The following NFASC variants were observed in gnomAD, a reference collection of about 807,000 sequenced individuals.
NFASC encodes the protein neurofascin.
In NFASC, 43 loss-of-function variants were observed where a neutral mutation model predicts 147.5. The observed-to-expected ratio is 0.29, with a 90% confidence interval of 0.23 to 0.38. The LOEUF (loss-of-function observed/expected upper bound fraction) is 0.38, where lower values mean the gene tolerates loss of function less well. Ranked by LOEUF, NFASC falls within the 10% of genes least tolerant of loss-of-function variation. NFASC has a pLI of 1.00. For synonymous variants in NFASC, 622 were observed against 665.5 expected, an observed-to-expected ratio of 0.93 and a Z score of 1.01; for missense variants, 1,320 against 1,689.0, an observed-to-expected ratio of 0.78 and a Z score of 3.83.
chr1:204,921,728 G>A (rs2090527463), intron 2 of NFASC, among the ~76,000 whole-genome samples: 1 of 152,148 alleles, frequency 6.6e-6, no homozygotes. Flanking sequence ...ACATTTTGTG[G>A]TAAAGATTAA....
intron 7 of NFASC, among the ~76,000 whole-genome samples, chr1:204,956,554 C>T (rs936377056): frequency 6.6e-6 from 1 of 152,238 alleles, no homozygotes; most frequent in South Asian, 2.1e-4. Context: ...CCCCTTCTAA[C>T]TGGTGTGTTC....
chr1:204,892,561 G>A (rs1354805039), intron 1 of NFASC, among the ~76,000 whole-genome samples: 2 of 152,194 alleles, frequency 1.3e-5, no homozygotes, highest in Admixed American at 6.5e-5. Flanking sequence ...CAAAATGGTA[G>A]CCACTAGCCC....
At chr1:204,833,888 A>G (rs1571833279) in intron 1 of NFASC, among the ~76,000 whole-genome samples, 1 of 152,192 alleles carries the variant, frequency 6.6e-6, no homozygotes, top group South Asian at 2.1e-4. Flanking sequence ...TGGGGATATT[A>G]ATATGAACCT....
At chr1:204,943,407 G>C (rs2093494124) in intron 2 of NFASC, among the ~76,000 whole-genome samples, 1 of 152,124 alleles carries the variant, frequency 6.6e-6, no homozygotes, top group Non-Finnish European at 1.5e-5. Flanking sequence ...GATTTCTTGT[G>C]CTTGAGGATG....
chr1:204,946,902 C>T, intron 3 of NFASC: 1 of 419,908 alleles, frequency 2.4e-6, no homozygotes, highest in Non-Finnish European at 4.8e-6. Flanking sequence ...GATCCCACCG[C>T]CCCTGACACA....
chr1:204,836,761 A>T (rs908435417), intron 1 of NFASC, among the ~76,000 whole-genome samples: 2 of 152,276 alleles, frequency 1.3e-5, no homozygotes, highest in African/African-American at 4.8e-5. Flanking sequence ...CAGGGCAGAA[A>T]CTGGATATCT....
chr1:204,874,312 C>T (rs1427341057), intron 1 of NFASC, among the ~76,000 whole-genome samples: 2 of 152,224 alleles, frequency 1.3e-5, no homozygotes, highest in Non-Finnish European at 2.9e-5. Context: ...GGAGCCAGTG[C>T]AAGACCACAT....
chr1:204,993,300 C>A (rs2095780248), intron 24 of NFASC, among the ~76,000 whole-genome samples: 1 of 152,186 alleles, frequency 6.6e-6, no homozygotes, highest in Admixed American at 6.5e-5. Flanking sequence ...CCGGGGTAGT[C>A]AACACGCCAT....
At chr1:204,902,751 G>A (rs1297186708) in intron 1 of NFASC, among the ~76,000 whole-genome samples, 1 of 152,188 alleles carries the variant, frequency 6.6e-6, no homozygotes, top group Admixed American at 6.5e-5. Flanking sequence ...AAAAAGAAGA[G>A]GGAAGGAGAT....
At position 204,938,050 on chromosome 1, in the gene NFASC, C is replaced by T. The variant is rs2093026683; in HGVS notation, c.-90-6176C>T. ...TGCCAGTCTTCTCTCCTTGTCACTT[C>T]AGATGTGTTGTGACCACCAGGACAG... is the stretch of plus-strand genomic sequence containing the variant. On this transcript the variant is annotated intron_variant, in intron 2 of 29. Coordinates refer to ENST00000339876, the MANE Select transcript of NFASC (RefSeq NM_001005388.3). Among the ~76,000 whole-genome samples, 5 of 152,352 alleles carry T rather than the reference C, an allele frequency of 3.3e-5. No homozygotes were observed. The South Asian group carries it at 1.0e-3, about 32-fold the overall frequency.
In NFASC at chr1:204,908,068, A is replaced by G. The variant is rs149043030; in HGVS notation, c.-199-12564A>G. 2.4e-4 allele frequency among the ~76,000 whole-genome samples: 36 copies of G among 152,230 alleles called. No individual in the cohort carries two copies. The East Asian group carries it at 7.0e-3, about 29-fold the overall frequency. ...GCAACCATGGCTCACTGCAGCCTCA[A>G]CCACCTGGGCTCAAGTGATTCTCCT... On this transcript the variant is annotated intron_variant, in intron 1 of 29. Transcript: ENST00000339876.
chr1:204,992,511 C>T (rs1166810429), intron 24 of NFASC, among the ~76,000 whole-genome samples: 1 of 152,212 alleles, frequency 6.6e-6, no homozygotes, highest in African/African-American at 2.4e-5. Flanking sequence ...CAGTCCTCAA[C>T]ATTCACCCAC....
rs115582406 is a variant in NFASC at position 204,993,822 on chromosome 1, G to A, written c.2782+2516G>A. ...TTGGTAAGCCCTACTTCTCAGCTTC[G>A]TTGCTCTTCTATCCTCTCCTCCACC... On this transcript the variant is annotated intron_variant, in intron 24 of 29. Transcript: ENST00000339876. 321 of 515,540 alleles carry A rather than the reference G, an allele frequency of 6.2e-4. 3 individuals are homozygous for A. The highest frequency in any genetic ancestry group is 3.9e-3 in the African/African-American group (201 of 52,004). 31.9% of individuals were successfully genotyped at this position (515,540 alleles called of 1,614,324 possible).
chr1:204,948,499 C>G (rs2093924130), intron 3 of NFASC: 2 of 462,754 alleles, frequency 4.3e-6, no homozygotes, highest in Non-Finnish European at 8.6e-6. Context: ...TCTCACTCAC[C>G]CTTCTCCAGA....
intron 1 of NFASC, among the ~76,000 whole-genome samples, chr1:204,870,360 C>T (rs1248283788): frequency 1.3e-5 from 2 of 152,122 alleles, no homozygotes; most frequent in Non-Finnish European, 2.9e-5. Flanking sequence ...CTGTGTGGGG[C>T]CAGCACACAG....
At chr1:204,944,522 G>A (rs973904362) in intron 3 of NFASC, 116 bp downstream of exon 3, 20 of 833,436 alleles carry the variant, frequency 2.4e-5, no homozygotes, top group Non-Finnish European at 3.4e-5. Flanking sequence ...GAGAGGGGAC[G>A]CAGTGGATTC....
At chr1:204,988,573 T>G in intron 22 of NFASC, 60 bp from the exon 23 acceptor site, 1 of 1,473,186 alleles carries the variant, frequency 6.8e-7, no homozygotes, top group Non-Finnish European at 9.5e-7. Context: ...AGCTTGCAGA[T>G]TATATAACCC....
At chr1:204,915,653 T>C (rs2089041166) in intron 1 of NFASC, among the ~76,000 whole-genome samples, 1 of 152,210 alleles carries the variant, frequency 6.6e-6, no homozygotes, top group Admixed American at 6.5e-5. Flanking sequence ...TTTTAAATGT[T>C]TAAGTAAGAA....
chr1:205,019,237 G>T lies in NFASC; in HGVS notation c.*2698G>T, dbSNP rs2096383773. 6.6e-6 allele frequency: 1 copy of T among 152,292 alleles called. No homozygotes were observed. The highest frequency in any genetic ancestry group is 2.4e-5 in the African/African-American group (1 of 41,456). 9.4% of individuals were successfully genotyped at this position (152,292 alleles called of 1,614,324 possible). ...GGAGCCCATGTCAGAGTCCACTCCAGCTCAGCAGGAAAGTGGAATTGCCCA... is the reference window on the plus strand; with the variant it reads ...GGAGCCCATGTCAGAGTCCACTCCATCTCAGCAGGAAAGTGGAATTGCCCA... On this transcript the variant is annotated 3_prime_UTR_variant, in exon 30 of 30. Coordinates refer to ENST00000339876, the MANE Select transcript of NFASC (RefSeq NM_001005388.3).
Sources: allele counts gnomAD v4.1 joint callset (sites outside exome capture counted in the v4.1 genomes callset), GRCh38; gene constraint gnomAD v4.1.1; transcripts MANE v1.5; gene names NCBI Gene and HGNC (gene_info 2026-07-23, HGNC 2026-07-21).